ZHX3: variants seen among roughly 807,000 people sequenced by gnomAD.
The protein encoded by ZHX3 is zinc fingers and homeoboxes 3.
ZHX3 carries 20 observed loss-of-function variants against 64.5 expected under a neutral mutation model. The ratio of observed to expected loss-of-function variants is 0.31; its 90% confidence interval spans 0.22 to 0.45. The LOEUF (loss-of-function observed/expected upper bound fraction) is 0.45. ZHX3 is among the 20% of genes least tolerant of loss of function. The pLI is 1.00. For synonymous variants in ZHX3, 423 were observed against 461.6 expected (o/e 0.92, Z 1.07); for missense variants, 1,041 against 1,195.8 (o/e 0.87, Z 1.91).
At chr20:41,223,941 T>C (rs2040107468) in intron 2 of ZHX3, among the ~76,000 whole-genome samples, 1 of 152,204 alleles carries the variant, frequency 6.6e-6, no homozygotes, top group South Asian at 2.1e-4. Context: ...TTGGTGTAAC[T>C]TCTGTAGGGG....
rs75624234 is a variant in ZHX3 at position 41,261,829 on chromosome 20, A to G, written c.-151+7161T>C. Among the ~76,000 whole-genome samples the G allele has an allele frequency of 3.4e-3, 510 of 152,202 alleles. 3 individuals carry two copies. Among genetic ancestry groups the G allele is most frequent in the African/African-American group, 0.012 (493 of 41,508 alleles). ...TCACACCTTTATCTCCAGCCCCAAC[A>G]TCTCATCTGAGTTTCTGATCAATAT... On this transcript the variant is annotated intron_variant, in intron 2 of 3. Transcript: ENST00000683867.
At position 41,202,076 on chromosome 20, in the gene ZHX3, G is replaced by A; in HGVS notation, c.2841C>T (p.Pro947=). 1 of 1,603,590 alleles carries A rather than the reference G, an allele frequency of 6.2e-7. No individual in the cohort carries two copies. Among genetic ancestry groups the A allele is most frequent in the Non-Finnish European group, 8.5e-7 (1 of 1,173,710 alleles). The change falls in exon 3 of 4, where the codon CCC becomes CCT. Residue 947 remains proline, a synonymous_variant. Transcript: ENST00000683867. The surrounding 1 kb of genome is among the most constrained non-coding windows in gnomAD (Gnocchi z 7.0). ...CCTTACCGAGCTGACGTCCAGCCTG[G>A]GGACTCGATGTGTCAAAGGGCTCTG... ...ASSEPFDTSS[P]QAGRQLETD
rs539314503 is a variant in ZHX3 at position 41,197,328 on chromosome 20, T to G, written c.2860+4729A>C. 3.0e-4 allele frequency among the ~76,000 whole-genome samples: 44 copies of G among 146,400 alleles called. 1 individual carries two copies. In the South Asian group the frequency reaches 8.8e-3, roughly 29 times the overall value. On this transcript the variant is annotated intron_variant, in intron 3 of 3. Coordinates refer to ENST00000683867, the MANE Select transcript of ZHX3 (RefSeq NM_001384317.1). ...ATTGTATATATTTAAAATACATATA[T>G]ATTTTATATATAATTGTATATATTT...
chr20:41,264,385 C>CAAAAAAAAAAAAAA (rs1165922837), intron 2 of ZHX3, among the ~76,000 whole-genome samples: 1 of 74,500 alleles, frequency 1.3e-5, no homozygotes, highest in African/African-American at 5.2e-5. Context: ...ACCAAAAATA[C>CAAAAAAAAAAAAAA]AAAAAAAAAA....
chr20:41,215,361 C>T (rs959117487), intron 2 of ZHX3, among the ~76,000 whole-genome samples: 8 of 152,138 alleles, frequency 5.3e-5, no homozygotes, highest in African/African-American at 1.4e-4. Context: ...TTGGTAATTG[C>T]TCAATTCACT....
At position 41,201,986 on chromosome 20, in the gene ZHX3, T is replaced by C. The variant is rs750520602; in HGVS notation, c.2860+71A>G. ...CAGCAGATGCCCCTGTGCAGTAAAT[T>C]CAGTGCCCAACCATAAGTGCCTCCT... On this transcript the variant is annotated intron_variant, in intron 3 of 3. Coordinates refer to ENST00000683867, the MANE Select transcript of ZHX3 (RefSeq NM_001384317.1). The surrounding 1 kb of genome is among the most constrained non-coding windows in gnomAD (Gnocchi z 5.0). 13 of 1,484,636 alleles carry C rather than the reference T, an allele frequency of 8.8e-6. No homozygotes were observed. Among genetic ancestry groups the C allele is most frequent in the Non-Finnish European group, 1.2e-5 (13 of 1,117,250 alleles). 92.0% of individuals were successfully genotyped at this position (1,484,636 alleles called of 1,614,324 possible).
chr20:41,278,796 G>A (rs112243813), intron 1 of ZHX3, among the ~76,000 whole-genome samples: 2 of 139,384 alleles, frequency 1.4e-5, no homozygotes, highest in African/African-American at 2.7e-5. Flanking sequence ...GTTTTGAGAC[G>A]GAGTCTCCCT....
intron 1 of ZHX3, among the ~76,000 whole-genome samples, chr20:41,300,395 G>A (rs536947131): frequency 1.3e-5 from 2 of 152,238 alleles, no homozygotes; most frequent in African/African-American, 2.4e-5. Context: ...CAGACCCAGT[G>A]AGAAATGAAT....
rs1022973679 is a variant in ZHX3, at chr20:41,269,067, G to T, written c.-228C>A. ...CTCTAAAAGGTCACATGTTGCTTCT[G>T]CAGTTGCATTTCAGTCCTATAAAAG... On this transcript the variant is annotated 5_prime_UTR_variant, in exon 2 of 4. Coordinates refer to ENST00000683867, the MANE Select transcript of ZHX3 (RefSeq NM_001384317.1). 3 of 152,090 alleles carry T rather than the reference G, an allele frequency of 2.0e-5. No homozygotes were observed. The highest frequency in any genetic ancestry group is 4.4e-5 in the Non-Finnish European group (3 of 68,006). 9.4% of individuals were successfully genotyped at this position (152,090 alleles called of 1,614,324 possible). A position where few individuals can be genotyped will look rare whatever the true frequency, so the allele number is the denominator to read the frequency against.
chr20:41,209,790 G>A (rs1287618102), intron 2 of ZHX3, among the ~76,000 whole-genome samples: 2 of 152,148 alleles, frequency 1.3e-5, no homozygotes, highest in African/African-American at 2.4e-5. Context: ...CATGGGCAAG[G>A]ACTTCATGTC....
intron 1 of ZHX3, among the ~76,000 whole-genome samples, chr20:41,305,555 C>A (rs560578682): frequency 6.6e-6 from 1 of 151,966 alleles, no homozygotes; most frequent in Admixed American, 6.6e-5. Flanking sequence ...GAGGCCGGGA[C>A]GGGCGGATCA....
intron 2 of ZHX3, among the ~76,000 whole-genome samples, chr20:41,244,064 T>G (rs892283109): frequency 6.6e-6 from 1 of 152,118 alleles, no homozygotes; most frequent in Admixed American, 6.5e-5. Flanking sequence ...GGGGCTGTCC[T>G]GTAAATTGCA....
At chr20:41,315,346 CTTTTTTTTT>C (rs11471425) in intron 1 of ZHX3, among the ~76,000 whole-genome samples, 9 of 56,044 alleles carry the variant, frequency 1.6e-4, no homozygotes, top group Admixed American at 1.4e-3. Context: ...CCAGGCCTGG[CTTTTTTTTT>C]TTTTTTTTTT....
At chr20:41,301,956 A>G (rs2044827628) in intron 1 of ZHX3, among the ~76,000 whole-genome samples, 1 of 146,680 alleles carries the variant, frequency 6.8e-6, no homozygotes. Context: ...TGGGAGGCTG[A>G]GGCAGGAGAA....
chr20:41,185,298 T>C lies in ZHX3; in HGVS notation c.2861-97A>G. On this transcript the variant is annotated intron_variant, in intron 3 of 3. Coordinates refer to ENST00000683867, the MANE Select transcript of ZHX3 (RefSeq NM_001384317.1). The surrounding 1 kb of genome is among the most constrained non-coding windows in gnomAD (Gnocchi z 5.0). Reference sequence around the variant, plus strand: ...GCTATACCAGGGTGGCATCACTGGCTTTGAGGACCTCTTAATTCCATGAGC... The same window carrying C: ...GCTATACCAGGGTGGCATCACTGGCCTTGAGGACCTCTTAATTCCATGAGC... 1 of 1,386,412 alleles carries C rather than the reference T, an allele frequency of 7.2e-7. No individual in the cohort carries two copies. Among genetic ancestry groups the C allele is most frequent in the Non-Finnish European group, 9.8e-7 (1 of 1,025,140 alleles). 85.9% of individuals were successfully genotyped at this position (1,386,412 alleles called of 1,614,324 possible).
intron 2 of ZHX3, among the ~76,000 whole-genome samples, chr20:41,222,569 G>C (rs528059280): frequency 6.6e-6 from 1 of 152,270 alleles, no homozygotes; most frequent in Admixed American, 6.5e-5. Context: ...AGAAACTACA[G>C]AAATGGGGGT....
At chr20:41,221,882 C>T (rs2039965843) in intron 2 of ZHX3, among the ~76,000 whole-genome samples, 1 of 152,116 alleles carries the variant, frequency 6.6e-6, no homozygotes, top group Admixed American at 6.5e-5. Flanking sequence ...AGCTGGGCGG[C>T]GGTAGTAGAG....
In ZHX3 at chr20:41,203,972, A is replaced by ATC; in HGVS notation, c.944_945insGA (p.Asn316IlefsTer5). On this transcript the variant is annotated frameshift_variant, in exon 3 of 4. Transcript: ENST00000683867. LOFTEE classifies it high-confidence loss of function. The surrounding 1 kb of genome is among the most constrained non-coding windows in gnomAD (Gnocchi z 7.1). ...GGAAGGAGTTCTTCAGGAAGCTGTT[A>ATC]GAGTCCATGGCTGCATTGTACGTTG... The ATC allele has an allele frequency of 6.2e-7, 1 of 1,614,238 alleles. No individual in the cohort carries two copies. Among genetic ancestry groups the ATC allele is most frequent in the Non-Finnish European group, 8.5e-7 (1 of 1,180,042 alleles).
At chr20:41,193,894 G>A (rs568644398) in intron 3 of ZHX3, among the ~76,000 whole-genome samples, 2 of 151,944 alleles carry the variant, frequency 1.3e-5, no homozygotes, top group Non-Finnish European at 2.9e-5. Context: ...TAGAGACGGG[G>A]TTTCATCATG....
Sources: gnomAD v4.1 joint callset for allele counts (sites outside exome capture counted in the v4.1 genomes callset) on GRCh38, gnomAD v4.1.1 for gene constraint, Gnocchi (gnomAD v3.1) non-coding constraint, MANE v1.5 for transcripts, NCBI Gene and HGNC (gene_info 2026-07-23, HGNC 2026-07-21) for gene names.